RPP21: variants seen among roughly 807,000 people sequenced by gnomAD.
RPP21 encodes the protein ribonuclease P subunit p21.
RPP21 carries 21 observed loss-of-function variants against 19.0 expected under a neutral mutation model. That is an observed-to-expected ratio of 1.11 (90% CI 0.78 to 1.59). The LOEUF (loss-of-function observed/expected upper bound fraction) is 1.59. Among genes scored for constraint, RPP21 ranks in the 40% most tolerant of loss-of-function variants. The pLI is 0.00. For synonymous variants in RPP21, 93 were observed against 78.7 expected (o/e 1.18, Z -0.96); for missense variants, 215 against 200.2 (o/e 1.07, Z -0.45).
intron 3 of RPP21, chr6:30,345,797 G>A: frequency 1.8e-6 from 1 of 543,028 alleles, no homozygotes; most frequent in Non-Finnish European, 3.1e-6. Flanking sequence ...TTCTTCCAGT[G>A]TGGGCAATAA....
intron 3 of RPP21, 194 bp downstream of exon 3, chr6:30,345,767 C>G: frequency 4.8e-6 from 3 of 623,458 alleles, no homozygotes; most frequent in South Asian, 2.9e-5. Flanking sequence ...AGGGTTTGGG[C>G]TCGGCTGTTT....
chr6:30,346,608 G>C lies in RPP21; in HGVS notation c.367+51G>C. 2 of 1,614,014 alleles carry C rather than the reference G, an allele frequency of 1.2e-6. No homozygotes were observed. The highest frequency in any genetic ancestry group is 1.7e-6 in the Non-Finnish European group (2 of 1,179,920). On this transcript the variant is annotated intron_variant, in intron 4 of 4. Coordinates refer to ENST00000442966, the MANE Select transcript of RPP21 (RefSeq NM_024839.4). This position sits in a 1 kb window ranked among gnomAD's most constrained non-coding sequence, Gnocchi z 4.7. ...GACACCCCAGAGGATAGGGACAATGGAGAACGTAGAGTGAAGAGGACACAT... is the reference window on the plus strand; with the variant it reads ...GACACCCCAGAGGATAGGGACAATGCAGAACGTAGAGTGAAGAGGACACAT...
intron 3 of RPP21, 196 bp downstream of exon 3, chr6:30,345,769 C>A (rs1178727577): frequency 7.1e-6 from 4 of 563,128 alleles, no homozygotes; most frequent in Non-Finnish European, 1.1e-5. Flanking sequence ...GGTTTGGGCT[C>A]GGCTGTTTTT....
At chr6:30,345,765 G>A (rs1582071519) in intron 3 of RPP21, 192 bp downstream of exon 3, 1 of 662,640 alleles carries the variant, frequency 1.5e-6, no homozygotes, top group Non-Finnish European at 2.3e-6. Context: ...CTAGGGTTTG[G>A]GCTCGGCTGT....
At position 30,345,403 on chromosome 6, in the gene RPP21, GAC is replaced by G; in HGVS notation, c.158+7_158+8del. ...GAAGCGGCTCGTCTTGCGGCGGTGA[GAC>G]AGCCACGGGGCGGGCGGCGGGCGGG... is the stretch of plus-strand genomic sequence containing the variant. On this transcript the variant is annotated splice_donor_region_variant and intron_variant, in intron 2 of 4. Transcript: ENST00000442966. 1 of 1,612,432 alleles carries G rather than the reference GAC, an allele frequency of 6.2e-7. No homozygotes were observed. Among genetic ancestry groups the G allele is most frequent in the South Asian group, 1.1e-5 (1 of 91,066 alleles).
rs1242775188 is a variant in RPP21, at chr6:30,346,501, A to T, written c.311A>T (p.Asp104Val). 1 of 1,613,936 alleles carries T rather than the reference A, an allele frequency of 6.2e-7. No individual in the cohort carries two copies. Among genetic ancestry groups the T allele is most frequent in the Non-Finnish European group, 8.5e-7 (1 of 1,180,014 alleles). The change falls in exon 4 of 5, where the codon GAT becomes GTT. Residue 104 changes from aspartate to valine, a missense_variant. By Grantham distance (152) the Asp-to-Val change is radical. Coordinates refer to ENST00000442966, the MANE Select transcript of RPP21 (RefSeq NM_024839.4). This position sits in a 1 kb window ranked among gnomAD's most constrained non-coding sequence, Gnocchi z 4.7. ...CAGCGCAGCCAACGCTTCCTCAATG[A>T]TCCCGGGCATTTACTCTGGGGAGAC... ...TCQRSQRFLN[D>V]PGHLLWGDRP...
chr6:30,345,640 G>T, intron 3 of RPP21, 67 bp downstream of exon 3: 1 of 1,015,074 alleles, frequency 9.9e-7, no homozygotes, highest in Non-Finnish European at 1.4e-6. Context: ...GGGGTGGGGG[G>T]CGGGCACTGG....
In RPP21 at chr6:30,346,345, A is replaced by G. The variant is rs1788147737; in HGVS notation, c.242-87A>G. On this transcript the variant is annotated intron_variant, in intron 3 of 4. Coordinates refer to ENST00000442966, the MANE Select transcript of RPP21 (RefSeq NM_024839.4). The surrounding 1 kb of genome is among the most constrained non-coding windows in gnomAD (Gnocchi z 4.7). Reference sequence around the variant, plus strand: ...GGGGGTGTGGTGGGGGAGCGGGGATACCTACTGAAAAACACTGGAGGCAAA... The same window carrying G: ...GGGGGTGTGGTGGGGGAGCGGGGATGCCTACTGAAAAACACTGGAGGCAAA... 3 of 1,562,974 alleles carry G rather than the reference A, an allele frequency of 1.9e-6. No individual in the cohort carries two copies. In the East Asian group the frequency reaches 6.8e-5, roughly 35 times the overall value.
intron 3 of RPP21, 131 bp downstream of exon 3, chr6:30,345,704 G>C: frequency 5.5e-6 from 6 of 1,094,438 alleles, no homozygotes; most frequent in Non-Finnish European, 7.5e-6. Context: ...GGATTCGCAG[G>C]AGTCTTCCTT....
Position 30,346,456 on chromosome 6 carries a change from T to A in RPP21, c.266T>A (p.Val89Glu). The A allele has an allele frequency of 6.2e-7, 1 of 1,614,112 alleles. No individual in the cohort carries two copies. Among genetic ancestry groups the A allele is most frequent in the Non-Finnish European group, 8.5e-7 (1 of 1,180,010 alleles). Residue 89 changes from valine to glutamate, a missense_variant, in exon 4 of 5, where the codon GTA (valine) becomes GAA (glutamate). Val to Glu is a moderately radical substitution (Grantham distance 121, BLOSUM62 -2). Transcript: ENST00000442966. This position sits in a 1 kb window ranked among gnomAD's most constrained non-coding sequence, Gnocchi z 4.7. ...GGCTGCAGGGGACAGCGCTGGACCG[T>A]ACAGACCTGCCTAACATGCCAGCGC... ...QRRCRGQRWTVQTCLTCQRSQ... is the reference protein window; with the variant it reads ...QRRCRGQRWTEQTCLTCQRSQ...
In RPP21 at chr6:30,345,476, C is replaced by T. The variant is rs976835748; in HGVS notation, c.159-15C>T. 3 of 1,610,348 alleles carry T rather than the reference C, an allele frequency of 1.9e-6. No homozygotes were observed. Among genetic ancestry groups the T allele is most frequent in the East Asian group, 2.2e-5 (1 of 44,838 alleles). On this transcript the variant is annotated splice_polypyrimidine_tract_variant and intron_variant, in intron 2 of 4. Transcript: ENST00000442966. Reference sequence around the variant, plus strand: ...GGAGCGCGGGCGCCAGACCACTATCCTCCTCCGCCCCCAGGGATCCCTCGG... The same window carrying T: ...GGAGCGCGGGCGCCAGACCACTATCTTCCTCCGCCCCCAGGGATCCCTCGG...
In RPP21 at chr6:30,345,193, C is replaced by T. The variant is rs369886060; in HGVS notation, c.22C>T (p.Arg8Cys). The T allele has an allele frequency of 1.3e-6, 2 of 1,574,508 alleles. No individual in the cohort carries two copies. The highest frequency in any genetic ancestry group is 1.1e-5 in the South Asian group (1 of 87,740). MAGPVKDREAFQRLNFLY... is the reference protein window; with the variant it reads MAGPVKDCEAFQRLNFLY... The stretch of plus-strand genomic sequence containing the variant: ...GGTGATGGCGGGGCCGGTGAAGGAC[C>T]GCGAGGCCTTCCAGAGGCTCAACTT... Residue 8 changes from arginine to cysteine, a missense_variant, in exon 1 of 5, where the codon CGC (arginine) becomes TGC (cysteine). Arg to Cys is a radical substitution (Grantham distance 180, BLOSUM62 -3). Coordinates refer to ENST00000442966, the MANE Select transcript of RPP21 (RefSeq NM_024839.4).
rs1480394569 is a variant in RPP21, at chr6:30,346,219, C to T, written c.242-213C>T. The T allele has an allele frequency of 2.5e-6, 2 of 810,604 alleles. No homozygotes were observed. Among genetic ancestry groups the T allele is most frequent in the Non-Finnish European group, 3.6e-6 (2 of 550,952 alleles). The allele number at this position is 810,604 out of a possible 1,614,324, so 50.2% of individuals were successfully genotyped here. Reference sequence around the variant, plus strand: ...GACTGGAGGGGGAAACAGGCCAGTTCTTGAAGTCTTGTTAGGGAGTTTGAA... The same window carrying T: ...GACTGGAGGGGGAAACAGGCCAGTTTTTGAAGTCTTGTTAGGGAGTTTGAA... On this transcript the variant is annotated intron_variant, in intron 3 of 4. Coordinates refer to ENST00000442966, the MANE Select transcript of RPP21 (RefSeq NM_024839.4). The surrounding 1 kb of genome is among the most constrained non-coding windows in gnomAD (Gnocchi z 4.7).
rs776228308 is a variant in RPP21 at position 30,345,239 on chromosome 6, G to C, written c.57+11G>C. 8.7e-6 allele frequency: 14 copies of C among 1,610,606 alleles called. No homozygotes were observed. In the South Asian group the frequency reaches 1.5e-4, roughly 18 times the overall value. On this transcript the variant is annotated intron_variant, in intron 1 of 4. Coordinates refer to ENST00000442966, the MANE Select transcript of RPP21 (RefSeq NM_024839.4). ...AACTTCCTGTACCAGGTGAGTCTGC[G>C]ACAAGGGCCCCACGGGGACGGTGCT...
chr6:30,346,369 A>C lies in RPP21; in HGVS notation c.242-63A>C. 6.3e-7 allele frequency: 1 copy of C among 1,580,662 alleles called. No individual in the cohort carries two copies. The highest frequency in any genetic ancestry group is 1.1e-5 in the South Asian group (1 of 87,962). On this transcript the variant is annotated intron_variant, in intron 3 of 4. Coordinates refer to ENST00000442966, the MANE Select transcript of RPP21 (RefSeq NM_024839.4). This position sits in a 1 kb window ranked among gnomAD's most constrained non-coding sequence, Gnocchi z 4.7. ...TACCTACTGAAAAACACTGGAGGCA[A>C]AACTGGCAGCAAGAGACCGTTACTT...
rs779049369 is a variant in RPP21 at position 30,345,404 on chromosome 6, A to G, written c.158+6A>G. On this transcript the variant is annotated splice_donor_region_variant and intron_variant, in intron 2 of 4. Transcript: ENST00000442966. ...AAGCGGCTCGTCTTGCGGCGGTGAG[A>G]CAGCCACGGGGCGGGCGGCGGGCGG... 1.9e-6 allele frequency: 3 copies of G among 1,612,082 alleles called. No individual in the cohort carries two copies. The African/African-American group carries it at 4.0e-5, about 22-fold the overall frequency.
intron 3 of RPP21, chr6:30,345,908 C>A: frequency 3.1e-6 from 1 of 325,364 alleles, no homozygotes; most frequent in Non-Finnish European, 5.6e-6. Flanking sequence ...TAAGCAAATA[C>A]TTATTTTCTA....
chr6:30,345,968 T>C (rs753453735), intron 3 of RPP21: 5 of 240,786 alleles, frequency 2.1e-5, no homozygotes, highest in Non-Finnish European at 3.2e-5. Flanking sequence ...GAAATTACGG[T>C]CTGATGGGAC....
In RPP21 at chr6:30,345,191, A is replaced by G. The variant is rs1489939313; in HGVS notation, c.20A>G (p.Asp7Gly). MAGPVK[D>G]REAFQRLNFL... The stretch of plus-strand genomic sequence containing the variant: ...GCGGTGATGGCGGGGCCGGTGAAGG[A>G]CCGCGAGGCCTTCCAGAGGCTCAAC... Residue 7 changes from aspartate (D) to glycine (G), a missense_variant, in exon 1 of 5, where the codon GAC becomes GGC. By Grantham distance (94) the Asp-to-Gly change is moderately conservative. Coordinates refer to ENST00000442966, the MANE Select transcript of RPP21 (RefSeq NM_024839.4). The G allele has an allele frequency of 2.5e-6, 4 of 1,571,620 alleles. No homozygotes were observed. Among genetic ancestry groups the G allele is most frequent in the Non-Finnish European group, 2.6e-6 (3 of 1,159,336 alleles).
Sources: allele counts gnomAD v4.1 joint callset, GRCh38; gene constraint gnomAD v4.1.1; non-coding constraint Gnocchi (gnomAD v3.1); transcripts MANE v1.5; gene names NCBI Gene and HGNC (gene_info 2026-07-23, HGNC 2026-07-21).